AKAP8: variants seen among roughly 807,000 people sequenced by gnomAD.
The protein encoded by AKAP8 is A-kinase anchor protein 8.
A neutral mutation model predicts 67.5 loss-of-function variants in AKAP8; 24 were observed. That is an observed-to-expected ratio of 0.36 (90% confidence interval 0.26 to 0.50). The LOEUF is 0.50. Ranked by LOEUF, AKAP8 falls within the 20% of genes least tolerant of loss-of-function variation. The probability of loss-of-function intolerance (pLI) is 0.97; values close to 1 mark genes in which losing one functional copy is unlikely to be tolerated. For synonymous variants in AKAP8, 400 were observed against 371.1 expected, an observed-to-expected ratio of 1.08 and a Z score of -0.90; for missense variants, 971 against 955.9, an observed-to-expected ratio of 1.02 and a Z score of -0.21.
At chr19:15,376,140 G>C (rs190338587) in intron 2 of AKAP8, among the ~76,000 whole-genome samples, 90 of 151,782 alleles carry the variant, frequency 5.9e-4, no homozygotes, top group Non-Finnish European at 9.4e-4. Context: ...CTCGGGTCTC[G>C]AACTCCCAGG....
At chr19:15,366,947 G>A (rs894165552) in intron 9 of AKAP8, among the ~76,000 whole-genome samples, 47 of 151,962 alleles carry the variant, frequency 3.1e-4, no homozygotes, top group African/African-American at 8.7e-4. Context: ...TTGCTCTGTC[G>A]CCCAGGCTGG....
intron 7 of AKAP8, 62 bp from the exon 8 acceptor site, chr19:15,370,241 G>C: frequency 8.8e-6 from 14 of 1,593,858 alleles, no homozygotes; most frequent in Non-Finnish European, 1.2e-5. Flanking sequence ...TCCACAACCA[G>C]CCCAGTCCCT....
chr19:15,361,956 G>C, intron 10 of AKAP8, 134 bp from the exon 11 acceptor site: 1 of 1,348,120 alleles, frequency 7.4e-7, no homozygotes, highest in South Asian at 1.4e-5. Context: ...TGGAGCTCCC[G>C]GTTGTCCCTG....
chr19:15,377,357 C>T (rs1013077737), intron 1 of AKAP8, among the ~76,000 whole-genome samples: 1 of 152,338 alleles, frequency 6.6e-6, no homozygotes, highest in East Asian at 1.9e-4. Flanking sequence ...CGTTCCCCCA[C>T]CCACCACACA....
intron 8 of AKAP8, 65 bp downstream of exon 8, chr19:15,370,081 T>A (rs1967129299): frequency 1.3e-6 from 2 of 1,598,950 alleles, no homozygotes; most frequent in African/African-American, 2.7e-5. Flanking sequence ...GCTCAGAAGC[T>A]GGGCAGTAAG....
At chr19:15,374,724 C>T (rs1967223252) in intron 2 of AKAP8, 89 bp from the exon 3 acceptor site, 1 of 1,506,388 alleles carries the variant, frequency 6.6e-7, no homozygotes. Flanking sequence ...CCTCCACAGC[C>T]CCAGGGCCAG....
intron 4 of AKAP8, 156 bp downstream of exon 4, chr19:15,373,630 C>A: frequency 2.9e-6 from 3 of 1,042,048 alleles, no homozygotes; most frequent in Non-Finnish European, 4.0e-6. Flanking sequence ...GGAAGTCCTA[C>A]TGTAACATCA....
At chr19:15,373,425 A>G in intron 4 of AKAP8, 85 bp from the exon 5 acceptor site, 11 of 1,471,968 alleles carry the variant, frequency 7.5e-6, no homozygotes, top group Non-Finnish European at 9.9e-6. Context: ...ACGCCCCTAC[A>G]TTCAAAACAG....
chr19:15,372,479 T>A, intron 5 of AKAP8, 132 bp from the exon 6 acceptor site: 1 of 1,307,232 alleles, frequency 7.6e-7, no homozygotes, highest in South Asian at 1.5e-5. Flanking sequence ...AGAGACAACA[T>A]AATTTGAAAC....
rs1018167252 is a variant in AKAP8 at position 15,363,843 on chromosome 19, G to T, written c.1161-1592C>A. 4.0e-5 allele frequency among the ~76,000 whole-genome samples: 6 copies of T among 151,852 alleles called. No individual in the cohort carries two copies. The East Asian group carries it at 5.8e-4, about 15-fold the overall frequency. ...AATTCTTCTGCCTTGGGATCCTGTTGATCTGTGACCTTACCCCCAACCCTG... is the reference window on the plus strand; with the variant it reads ...AATTCTTCTGCCTTGGGATCCTGTTTATCTGTGACCTTACCCCCAACCCTG... On this transcript the variant is annotated intron_variant, in intron 9 of 13. Transcript: ENST00000269701.
chr19:15,361,038 C>T, intron 11 of AKAP8, 60 bp from the exon 12 acceptor site: 1 of 1,576,936 alleles, frequency 6.3e-7, no homozygotes, highest in Non-Finnish European at 8.6e-7. Context: ...TCCTCCTACT[C>T]CCCATCTGGG....
intron 2 of AKAP8, among the ~76,000 whole-genome samples, chr19:15,375,119 C>A (rs1272545859): frequency 6.6e-6 from 1 of 152,156 alleles, no homozygotes; most frequent in Non-Finnish European, 1.5e-5. Context: ...GGTGGTGGCT[C>A]AAAAGCAGCC....
intron 1 of AKAP8, 138 bp from the exon 2 acceptor site, chr19:15,377,152 A>G: frequency 2.1e-6 from 2 of 954,666 alleles, no homozygotes; most frequent in South Asian, 1.7e-5. Flanking sequence ...CCCCACCAAA[A>G]AAAAGCCATC....
chr19:15,368,592 C>CA, intron 8 of AKAP8: 1 of 985,246 alleles, frequency 1.0e-6, no homozygotes, highest in Non-Finnish European at 1.2e-6. Context: ...ACCCCATGTG[C>CA]ACCACAGCCC....
In AKAP8 at chr19:15,369,216, T is replaced by G; in HGVS notation, c.1073-894A>C. The G allele has an allele frequency of 1.0e-6, 1 of 985,460 alleles. No individual in the cohort carries two copies. The highest frequency in any genetic ancestry group is 1.2e-6 in the Non-Finnish European group (1 of 829,968). The allele number at this position is 985,460 out of a possible 1,614,324, so 61.0% of individuals were successfully genotyped here. On this transcript the variant is annotated intron_variant, in intron 8 of 13. Transcript: ENST00000269701. The surrounding 1 kb of genome is among the most constrained non-coding windows in gnomAD (Gnocchi z 4.6). ...TAATAGCAAAGTCATCCCGGGTAGG[T>G]AGCAGGACCTGCGCGCAACAGACAT... is the stretch of plus-strand genomic sequence containing the variant.
rs1728393499 is a variant in AKAP8, at chr19:15,360,700, G to A, written c.1527+148C>T. The A allele has an allele frequency of 7.9e-6, 8 of 1,008,498 alleles. No individual in the cohort carries two copies. In the South Asian group the frequency reaches 1.2e-4, roughly 16 times the overall value. The allele number at this position is 1,008,498 out of a possible 1,614,324, so 62.5% of individuals were successfully genotyped here. On this transcript the variant is annotated intron_variant, in intron 12 of 13. Coordinates refer to ENST00000269701, the MANE Select transcript of AKAP8 (RefSeq NM_005858.4). ...TTTCTCACATTTTTATAAAAATTGA[G>A]ACGAATCTTACGACCCATCGATGGA...
chr19:15,364,580 A>C (rs1188366938), intron 9 of AKAP8, among the ~76,000 whole-genome samples: 1 of 151,684 alleles, frequency 6.6e-6, no homozygotes, highest in Non-Finnish European at 1.5e-5. Context: ...CGAACTCCTG[A>C]CCTCGTGATT....
intron 7 of AKAP8, among the ~76,000 whole-genome samples, chr19:15,370,625 CTTTTTTTTTTT>C (rs71176407): frequency 3.7e-5 from 3 of 80,960 alleles, no homozygotes; most frequent in South Asian, 5.3e-4. Flanking sequence ...TACCCAATGT[CTTTTTTTTTTT>C]TTTTTTTTTT....
chr19:15,373,826 C>A lies in AKAP8; in HGVS notation c.331G>T (p.Gly111Trp). ...ATGCCCTCCCCACCGCCGCCGCTCC[C>A]GCCCCTGCCTCCTTCCTTGGACATC... ...DMMSKEGGRG[G>W]SGGGGEGIQD... Residue 111 changes from glycine (G) to tryptophan (W), a missense_variant, in exon 4 of 14, where the codon GGG becomes TGG. Physicochemically the swap from Gly to Trp is radical, Grantham distance 184 (BLOSUM62 -2). Transcript: ENST00000269701. The A allele has an allele frequency of 6.2e-7, 1 of 1,611,900 alleles. No individual in the cohort carries two copies. Among genetic ancestry groups the A allele is most frequent in the South Asian group, 1.1e-5 (1 of 90,996 alleles).
Sources: allele counts gnomAD v4.1 joint callset (sites outside exome capture counted in the v4.1 genomes callset), GRCh38; gene constraint gnomAD v4.1.1; non-coding constraint Gnocchi (gnomAD v3.1); transcripts MANE v1.5; gene names NCBI Gene and HGNC (gene_info 2026-07-23, HGNC 2026-07-21).